Variants in OBSL1 observed in about 807,000 individuals in gnomAD.
OBSL1 encodes obscurin like cytoskeletal adaptor 1.
Under a neutral mutation model 172.0 loss-of-function variants are expected in OBSL1, and 160 were observed. The observed-to-expected ratio is 0.93, with a 90% CI of 0.82 to 1.06. The LOEUF (loss-of-function observed/expected upper bound fraction) is 1.06. OBSL1 is among the 50% of genes least tolerant of loss of function. The pLI is 0.00. For synonymous variants in OBSL1, 1,200 were observed against 1,196.3 expected (o/e 1.00, Z -0.06); for missense variants, 2,681 against 2,715.4 (o/e 0.99, Z 0.28).
chr2:219,558,256 G>C lies in OBSL1; in HGVS notation c.3430C>G (p.Gln1144Glu). 6.2e-7 allele frequency: 1 copy of C among 1,610,750 alleles called. No individual in the cohort carries two copies. Among genetic ancestry groups the C allele is most frequent in the Non-Finnish European group, 8.5e-7 (1 of 1,178,536 alleles). ...PTRTLTLPHA[Q>E]PEDAGEYVCE... ...ACATACTCCCCGGCGTCCTCAGGCT[G>C]GGCGTGGGGCAGGGTCAGGGTGCGG... is the stretch of plus-strand genomic sequence containing the variant. Residue 1144 changes from glutamine to glutamate, a missense_variant, in exon 10 of 21, where the codon CAG becomes GAG. Transcript: ENST00000404537.
At chr2:219,558,667 C>A (rs577667292) in intron 9 of OBSL1, among the ~76,000 whole-genome samples, 1 of 152,336 alleles carries the variant, frequency 6.6e-6, no homozygotes, top group South Asian at 2.1e-4. Context: ...TCAAGAGGTG[C>A]ACAGCTGCTG....
rs146593920 is a variant in OBSL1 at position 219,563,733 on chromosome 2, AG to A, written c.2408-107del. The stretch of plus-strand genomic sequence containing the variant: ...TTTCTGCACAAGAGGACACTGGAGG[AG>A]GGCTAAGGTCCTGCTGTGTAGGGAC... On this transcript the variant is annotated intron_variant, in intron 6 of 20. Coordinates refer to ENST00000404537, the MANE Select transcript of OBSL1 (RefSeq NM_015311.3). 1.5e-3 allele frequency: 1,863 copies of A among 1,276,296 alleles called. 15 individuals are homozygous for A. In the African/African-American group the frequency reaches 0.022, roughly 15 times the overall value. The allele number at this position is 1,276,296 out of a possible 1,614,324, so 79.1% of individuals were successfully genotyped here.
chr2:219,552,453 C>T (rs1408215404), intron 18 of OBSL1, 83 bp downstream of exon 18: 1 of 1,375,398 alleles, frequency 7.3e-7, no homozygotes, highest in Non-Finnish European at 9.6e-7. Flanking sequence ...GAGCCAGGGG[C>T]GGGGCTTGTC....
chr2:219,571,360 T>G lies in OBSL1; in HGVS notation c.-128A>C. ...CTGGGCGCGGGGACCCGCGGAGCTC[T>G]CCCGGGCCTCCCGCTCCCGGCTCGC... On this transcript the variant is annotated 5_prime_UTR_variant, in exon 1 of 21. Coordinates refer to ENST00000404537, the MANE Select transcript of OBSL1 (RefSeq NM_015311.3). 1 of 484,006 alleles carries G rather than the reference T, an allele frequency of 2.1e-6. No individual in the cohort carries two copies. The allele number at this position is 484,006 out of a possible 1,614,324, so 30.0% of individuals were successfully genotyped here. A position where few individuals can be genotyped will look rare whatever the true frequency, so the allele number is the denominator to read the frequency against.
chr2:219,553,520 A>G (rs201511204), intron 16 of OBSL1, 54 bp downstream of exon 16: 23 of 1,233,018 alleles, frequency 1.9e-5, no homozygotes, highest in Non-Finnish European at 2.7e-5. Context: ...TGTCTGGGGC[A>G]TTATTATCGT....
Position 219,567,270 on chromosome 2 carries a change from C to T in OBSL1, c.1837+3G>A. ...ATGGGTGGGTCTGGCAGGACCAACT[C>T]ACCAAGGTGAGCAGAACCGTGGAAC... On this transcript the variant is annotated splice_donor_region_variant and intron_variant, in intron 4 of 20. Transcript: ENST00000404537. The T allele has an allele frequency of 6.3e-7, 1 of 1,587,410 alleles. No individual in the cohort carries two copies. The highest frequency in any genetic ancestry group is 2.3e-5 in the East Asian group (1 of 44,214).
chr2:219,569,994 C>T (rs1697215433), intron 1 of OBSL1, among the ~76,000 whole-genome samples: 1 of 152,244 alleles, frequency 6.6e-6, no homozygotes, highest in Admixed American at 6.5e-5. Context: ...CCACCATCTG[C>T]CTCGGAATCA....
chr2:219,555,545 G>T, intron 14 of OBSL1: 1 of 813,380 alleles, frequency 1.2e-6, no homozygotes, highest in Non-Finnish European at 1.5e-6. Context: ...CTCCCAAAGT[G>T]TTAGGATTAT....
rs1361554053 is a variant in OBSL1 at position 219,568,222 on chromosome 2, G to C, written c.1115C>G (p.Ala372Gly). 1.2e-6 allele frequency: 2 copies of C among 1,613,500 alleles called. No homozygotes were observed. Among genetic ancestry groups the C allele is most frequent in the Non-Finnish European group, 1.7e-6 (2 of 1,179,868 alleles). Residue 372 changes from alanine (A) to glycine (G), a missense_variant, in exon 2 of 21, where the codon GCC (alanine) becomes GGC (glycine). Physicochemically the swap from Ala to Gly is moderately conservative, Grantham distance 60. This residue lies in a region of OBSL1 where 706 missense variants were observed against 695.8 expected (regional missense o/e 1.01). Coordinates refer to ENST00000404537, the MANE Select transcript of OBSL1 (RefSeq NM_015311.3). This position sits in a 1 kb window ranked among gnomAD's most constrained non-coding sequence, Gnocchi z 4.1. ...CKVPNSRIPT[A>G]WFREDQRLLP... ...CAGCCGCTGGTCCTCACGGAACCAG[G>C]CCGTGGGGATGCGGGAGTTGGGTAC...
chr2:219,551,785 C>T lies in OBSL1; in HGVS notation c.5427G>A (p.Gln1809=). ...ALLEVEALPL[Q]MCRHPPREKT... ...TCTCGCGAGGGGGGTGGCGGCACATCTGGAGAGGCAATGCTGGGGGTAGGG... is the reference window on the plus strand; with the variant it reads ...TCTCGCGAGGGGGGTGGCGGCACATTTGGAGAGGCAATGCTGGGGGTAGGG... The change falls in exon 20 of 21, where the codon CAG becomes CAA. Residue 1809 remains glutamine (Q), a synonymous_variant. Transcript: ENST00000404537. 6.3e-7 allele frequency: 1 copy of T among 1,584,968 alleles called. No homozygotes were observed. Among genetic ancestry groups the T allele is most frequent in the South Asian group, 1.1e-5 (1 of 88,778 alleles).
intron 20 of OBSL1, chr2:219,551,310 TG>T (rs1294505296): frequency 2.3e-5 from 32 of 1,408,220 alleles, no homozygotes; most frequent in Non-Finnish European, 2.9e-5. Context: ...CGTAGAAAGG[TG>T]GGAACAGCTG....
chr2:219,562,720 G>C (rs1696576817), intron 7 of OBSL1, 46 bp from the exon 8 acceptor site: 1 of 1,507,350 alleles, frequency 6.6e-7, no homozygotes, highest in Non-Finnish European at 8.9e-7. Flanking sequence ...GGTGTGCCCT[G>C]CCGTCCTCCC....
downstream of OBSL1, chr2:219,548,982 TCTC>T: frequency 1.5e-6 from 1 of 670,000 alleles, no homozygotes; most frequent in African/African-American, 1.8e-5. Flanking sequence ...CAGCGGGAAG[TCTC>T]CTCTGAGAGG....
At position 219,570,266 on chromosome 2, in the gene OBSL1, T is replaced by TG. The variant is rs1559158583; in HGVS notation, c.966dup (p.Asn323GlnfsTer32). 2 of 1,597,498 alleles carry TG rather than the reference T, an allele frequency of 1.3e-6. No homozygotes were observed. The highest frequency in any genetic ancestry group is 1.7e-6 in the Non-Finnish European group (2 of 1,169,412). On this transcript the variant is annotated frameshift_variant, in exon 1 of 21. Transcript: ENST00000404537. LOFTEE classifies it high-confidence loss of function. ...GCACTGAGCGTCTGGCCCGCCGAGT[T>TG]GCGCGCGGCGCAGACGTAGAGCCCA...
At position 219,570,522 on chromosome 2, in the gene OBSL1, G is replaced by C; in HGVS notation, c.711C>G (p.Pro237=). The change falls in exon 1 of 21, where the codon CCC becomes CCG. Residue 237 remains proline (P), a synonymous_variant. Coordinates refer to ENST00000404537, the MANE Select transcript of OBSL1 (RefSeq NM_015311.3). ...CCACCACCGGCGCGGGGGCCTCGTC[G>C]GGGTCCGCGGGCGGGCTCTCGGGGG... The part of the protein sequence containing the change: ...HQPPESPPAD[P]DEAPAPVVEP... The C allele has an allele frequency of 1.2e-6, 2 of 1,610,220 alleles. No individual in the cohort carries two copies. The highest frequency in any genetic ancestry group is 1.7e-6 in the Non-Finnish European group (2 of 1,178,680).
In OBSL1 at chr2:219,556,160, A is replaced by AG; in HGVS notation, c.4468dup (p.Leu1490ProfsTer64). 1 of 1,613,628 alleles carries AG rather than the reference A, an allele frequency of 6.2e-7. No individual in the cohort carries two copies. The highest frequency in any genetic ancestry group is 8.5e-7 in the Non-Finnish European group (1 of 1,179,786). ...CATGGACAGGCGAGAGTCGTGGGGC[A>AG]GGGGCTGCCCACCTCGCACCCAGCG... is the stretch of plus-strand genomic sequence containing the variant. On this transcript the variant is annotated frameshift_variant, in exon 14 of 21. Coordinates refer to ENST00000404537, the MANE Select transcript of OBSL1 (RefSeq NM_015311.3). LOFTEE classifies it high-confidence loss of function.
chr2:219,554,285 G>A (rs1022820388), intron 15 of OBSL1, 189 bp downstream of exon 15: 1 of 691,210 alleles, frequency 1.4e-6, no homozygotes. Flanking sequence ...GCCACACCCA[G>A]GCAGAGGACT....
intron 20 of OBSL1, 146 bp downstream of exon 20, chr2:219,551,383 C>T (rs1695600348): frequency 1.5e-6 from 2 of 1,355,090 alleles, no homozygotes; most frequent in East Asian, 2.5e-5. Flanking sequence ...GTGTGCTCTA[C>T]CCCTCCCCTC....
Position 219,570,622 on chromosome 2 carries a change from G to A in OBSL1, c.611C>T (p.Ser204Phe). 6.6e-7 allele frequency: 1 copy of A among 1,513,580 alleles called. No homozygotes were observed. The highest frequency in any genetic ancestry group is 2.1e-5 in the Admixed American group (1 of 47,202). The allele number at this position is 1,513,580 out of a possible 1,614,324, so 93.8% of individuals were successfully genotyped here. A position where few individuals can be genotyped will look rare whatever the true frequency, so the allele number is the denominator to read the frequency against. Reference sequence around the variant, plus strand: ...GCGGGCGTGGCACACGTAGACGCCGGAATCCGGCAGCCGAGCCGCCAGGAT... The same window carrying A: ...GCGGGCGTGGCACACGTAGACGCCGAAATCCGGCAGCCGAGCCGCCAGGAT... Reference protein sequence around the residue: ...LRILAARLPDSGVYVCHARNA... With the variant: ...LRILAARLPDFGVYVCHARNA... The change falls in exon 1 of 21, where the codon TCC (serine) becomes TTC (phenylalanine). Residue 204 changes from serine to phenylalanine, a missense_variant. This residue lies in a region of OBSL1 where 706 missense variants were observed against 695.8 expected (regional missense o/e 1.01). Coordinates refer to ENST00000404537, the MANE Select transcript of OBSL1 (RefSeq NM_015311.3).
Sources: allele counts gnomAD v4.1 joint callset (sites outside exome capture counted in the v4.1 genomes callset), GRCh38; gene constraint gnomAD v4.1.1; regional missense constraint gnomAD v4.1.1; non-coding constraint Gnocchi (gnomAD v3.1); transcripts MANE v1.5; gene names NCBI Gene and HGNC (gene_info 2026-07-23, HGNC 2026-07-21).